Variants in ARHGAP42 observed in about 807,000 individuals in gnomAD.
The protein encoded by ARHGAP42 is Rho GTPase activating protein 42.
In ARHGAP42, 63 loss-of-function variants were observed where a neutral mutation model predicts 125.0. The observed-to-expected ratio is 0.50, with a 90% CI of 0.41 to 0.62. ARHGAP42 has a LOEUF of 0.62. Ranked by LOEUF, ARHGAP42 falls within the 20% of genes least tolerant of loss-of-function variation. The pLI is 0.00. For missense variants in ARHGAP42, 766 were observed against 1,024.2 expected (o/e 0.75, Z 3.44); for synonymous variants, 339 against 351.0 (o/e 0.97, Z 0.38).
At chr11:100,798,132 A>G (rs1238330844) in intron 3 of ARHGAP42, among the ~76,000 whole-genome samples, 1 of 152,140 alleles carries the variant, frequency 6.6e-6, no homozygotes, top group Non-Finnish European at 1.5e-5. Context: ...AGCAAAATAC[A>G]TGGTTTCTTG....
intron 1 of ARHGAP42, among the ~76,000 whole-genome samples, chr11:100,733,138 G>C (rs756519282): frequency 1.3e-5 from 2 of 152,202 alleles, no homozygotes; most frequent in Non-Finnish European, 2.9e-5. Context: ...CTGTAGTTCA[G>C]CTGCTAGATT....
intron 1 of ARHGAP42, among the ~76,000 whole-genome samples, chr11:100,735,315 G>C (rs1862043532): frequency 6.6e-6 from 1 of 152,176 alleles, no homozygotes; most frequent in Non-Finnish European, 1.5e-5. Context: ...CTCTTTGTGA[G>C]TGGAATCCCC....
At chr11:100,839,001 G>A (rs1019058853) in intron 3 of ARHGAP42, among the ~76,000 whole-genome samples, 1 of 151,728 alleles carries the variant, frequency 6.6e-6, no homozygotes, top group Non-Finnish European at 1.5e-5. Flanking sequence ...TAGGACAAGG[G>A]CCATCCGTGT....
intron 3 of ARHGAP42, among the ~76,000 whole-genome samples, chr11:100,857,420 G>T (rs1865346526): frequency 6.6e-6 from 1 of 152,046 alleles, no homozygotes; most frequent in Non-Finnish European, 1.5e-5. Context: ...GTAAACCATT[G>T]GATGTGAATG....
chr11:100,815,997 C>T (rs1479501338), intron 3 of ARHGAP42, among the ~76,000 whole-genome samples: 2 of 152,170 alleles, frequency 1.3e-5, no homozygotes, highest in Non-Finnish European at 2.9e-5. Flanking sequence ...CTTTTCAAGG[C>T]TGAATAATAT....
intron 12 of ARHGAP42, 160 bp from the exon 13 acceptor site, chr11:100,959,723 T>A (rs1031345917): frequency 1.6e-6 from 1 of 630,320 alleles, no homozygotes; most frequent in Admixed American, 2.7e-5. Context: ...CTCCTCTACT[T>A]CTACCCCAAA....
chr11:100,981,767 A>G (rs998966573), intron 22 of ARHGAP42, among the ~76,000 whole-genome samples: 2 of 152,214 alleles, frequency 1.3e-5, no homozygotes, highest in African/African-American at 2.4e-5. Context: ...ATGAAAAGCT[A>G]TAAGGAGATT....
intron 2 of ARHGAP42, among the ~76,000 whole-genome samples, chr11:100,788,581 G>A (rs2135022135): frequency 6.6e-6 from 1 of 152,276 alleles, no homozygotes; most frequent in East Asian, 1.9e-4. Context: ...AAATGGAGTG[G>A]AAAAATCTTA....
At chr11:100,745,391 G>A (rs1430236603) in intron 1 of ARHGAP42, among the ~76,000 whole-genome samples, 1 of 152,132 alleles carries the variant, frequency 6.6e-6, no homozygotes, top group Non-Finnish European at 1.5e-5. Context: ...GTTAAGGGAG[G>A]TTTTAGTAAG....
Position 100,780,621 on chromosome 11 carries a change from C to T in ARHGAP42, c.250+10183C>T, listed in dbSNP as rs755170908. Among the ~76,000 whole-genome samples the T allele has an allele frequency of 2.0e-5, 3 of 152,144 alleles. No homozygotes were observed. The East Asian group carries it at 5.8e-4, about 29-fold the overall frequency. On this transcript the variant is annotated intron_variant, in intron 2 of 23. Transcript: ENST00000298815. ...TCTGTAAGAGCGACATTGTTAAAGC[C>T]GAAGGCCGATGGGGATTAGAGTCAG... is the stretch of plus-strand genomic sequence containing the variant.
At chr11:100,879,674 C>T (rs11224500) in intron 4 of ARHGAP42, among the ~76,000 whole-genome samples, 40,264 of 151,950 alleles carry the variant, frequency 0.26, 5,581 homozygotes, top group Non-Finnish European at 0.3. Context: ...CTGTGAGCTG[C>T]GACCTCCCTG....
intron 1 of ARHGAP42, among the ~76,000 whole-genome samples, chr11:100,719,794 A>G (rs1364298331): frequency 6.6e-6 from 1 of 152,164 alleles, no homozygotes; most frequent in Non-Finnish European, 1.5e-5. Flanking sequence ...GTTGTTTTAC[A>G]TGGAAGAAAA....
intron 13 of ARHGAP42, among the ~76,000 whole-genome samples, chr11:100,960,259 G>A (rs1344054418): frequency 6.6e-6 from 1 of 150,580 alleles, no homozygotes; most frequent in African/African-American, 2.5e-5. Flanking sequence ...CATTAAGGAG[G>A]TAAGATTCTT....
At chr11:100,953,180 C>T (rs1239928959) in intron 12 of ARHGAP42, among the ~76,000 whole-genome samples, 3 of 151,998 alleles carry the variant, frequency 2.0e-5, no homozygotes, top group African/African-American at 7.2e-5. Context: ...GGTAGCATTG[C>T]ATCAATTTCA....
chr11:100,881,659 G>T (rs1031195193), intron 4 of ARHGAP42, among the ~76,000 whole-genome samples: 1 of 152,270 alleles, frequency 6.6e-6, no homozygotes, highest in Admixed American at 6.5e-5. Context: ...TTTGTGGATT[G>T]CTTTTGGCAC....
intron 17 of ARHGAP42, among the ~76,000 whole-genome samples, chr11:100,968,856 T>C (rs564833843): frequency 1.3e-5 from 2 of 152,282 alleles, no homozygotes; most frequent in African/African-American, 4.8e-5. Flanking sequence ...AATTGCATTT[T>C]AAAATCAAGA....
At chr11:100,716,478 A>G (rs532688564) in intron 1 of ARHGAP42, among the ~76,000 whole-genome samples, 13 of 152,332 alleles carry the variant, frequency 8.5e-5, no homozygotes, top group Non-Finnish European at 1.8e-4. Flanking sequence ...AAACGAACCA[A>G]TAGTTTTCTA....
chr11:100,730,812 T>G (rs1359714798), intron 1 of ARHGAP42, among the ~76,000 whole-genome samples: 1 of 152,210 alleles, frequency 6.6e-6, no homozygotes, highest in Admixed American at 6.5e-5. Context: ...GGCTATATGA[T>G]AAAGCCCATT....
chr11:100,827,637 G>A (rs187517147), intron 3 of ARHGAP42, among the ~76,000 whole-genome samples: 1 of 152,334 alleles, frequency 6.6e-6, no homozygotes, highest in East Asian at 1.9e-4. Flanking sequence ...GAAGCTGAGG[G>A]GTAAGGTGTG....
Sources: allele counts gnomAD v4.1 joint callset (sites outside exome capture counted in the v4.1 genomes callset), GRCh38; gene constraint gnomAD v4.1.1; transcripts MANE v1.5; gene names NCBI Gene and HGNC (gene_info 2026-07-23, HGNC 2026-07-21).